The following RASAL2 variants were observed in gnomAD, a reference collection of about 807,000 sequenced individuals.
The protein encoded by RASAL2 is RAS protein activator like 2.
In RASAL2, 58 loss-of-function variants were observed where a neutral mutation model predicts 128.9. That is an observed-to-expected ratio of 0.45 (90% confidence interval 0.36 to 0.56). The LOEUF (loss-of-function observed/expected upper bound fraction) is 0.56, where lower values mean the gene tolerates loss of function less well. Ranked by LOEUF, RASAL2 falls within the 20% of genes least tolerant of loss-of-function variation. RASAL2 has a pLI of 0.00. For synonymous variants in RASAL2, 561 were observed against 580.8 expected, an observed-to-expected ratio of 0.97 and a Z score of 0.49; for missense variants, 1,360 against 1,601.6, an observed-to-expected ratio of 0.85 and a Z score of 2.57.
intron 1 of RASAL2, among the ~76,000 whole-genome samples, chr1:178,204,771 T>G (rs1164516604): frequency 6.6e-6 from 1 of 152,198 alleles, no homozygotes; most frequent in Non-Finnish European, 1.5e-5. Flanking sequence ...ATGTACAAAA[T>G]GCTTATAAAG....
Position 178,474,281 on chromosome 1 carries a change from T to C in RASAL2, c.*1042T>C, listed in dbSNP as rs1277757162. The C allele has an allele frequency of 6.6e-6, 1 of 152,650 alleles. No homozygotes were observed. The allele number at this position is 152,650 out of a possible 1,614,324, so 9.5% of individuals were successfully genotyped here. A position where few individuals can be genotyped will look rare whatever the true frequency, so the allele number is the denominator to read the frequency against. On this transcript the variant is annotated 3_prime_UTR_variant, in exon 18 of 18. Transcript: ENST00000367649. ...CTGAATATTTCCTATTAAAAATTTT[T>C]TCTATGTGTTGTTATAATTTTTGTT...
At chr1:178,383,963 A>C (rs1262695228) in intron 3 of RASAL2, among the ~76,000 whole-genome samples, 1 of 152,208 alleles carries the variant, frequency 6.6e-6, no homozygotes, top group African/African-American at 2.4e-5. Context: ...GTTTGTATTC[A>C]ATGTTTTATC....
intron 8 of RASAL2, among the ~76,000 whole-genome samples, chr1:178,445,070 C>A (rs531360277): frequency 2.1e-4 from 31 of 151,190 alleles, no homozygotes; most frequent in African/African-American, 6.6e-4. Context: ...CCAAAGGATC[C>A]CAGGAATGAG....
intron 1 of RASAL2, among the ~76,000 whole-genome samples, chr1:178,126,716 C>T (rs1321699945): frequency 6.6e-6 from 1 of 152,156 alleles, no homozygotes; most frequent in Admixed American, 6.6e-5. Context: ...GGAAGTTGTT[C>T]TTCATATTCC....
intron 1 of RASAL2, among the ~76,000 whole-genome samples, chr1:178,281,263 C>G (rs1470683164): frequency 2.0e-5 from 3 of 151,692 alleles, no homozygotes; most frequent in Non-Finnish European, 4.4e-5. Flanking sequence ...AGAAGCATTG[C>G]TCTCTATTTC....
intron 1 of RASAL2, among the ~76,000 whole-genome samples, chr1:178,133,842 A>T (rs143558474): frequency 6.6e-6 from 1 of 152,146 alleles, no homozygotes; most frequent in African/African-American, 2.4e-5. Flanking sequence ...TCAGCTAATT[A>T]TGTTCTTTAT....
intron 1 of RASAL2, among the ~76,000 whole-genome samples, chr1:178,202,573 T>C (rs1316757872): frequency 6.6e-6 from 1 of 152,162 alleles, no homozygotes; most frequent in African/African-American, 2.4e-5. Flanking sequence ...CCAGATGTGT[T>C]ATTATATACT....
rs777041513 is a variant in RASAL2, at chr1:178,458,141, C to T, written c.2849C>T (p.Thr950Ile). The T allele has an allele frequency of 6.2e-7, 1 of 1,614,248 alleles. No homozygotes were observed. ...GATTCCAGTTTGGAGAACCTAAGCA[C>T]TGCCAGTTCCAGAAGCCAAAGTAAC... is the stretch of plus-strand genomic sequence containing the variant. Reference protein sequence around the residue: ...SIDSSLENLSTASSRSQSNSE... With the variant: ...SIDSSLENLSIASSRSQSNSE... Residue 950 changes from threonine (T) to isoleucine (I), a missense_variant, in exon 14 of 18, where the codon ACT (threonine) becomes ATT (isoleucine). Around this residue, in one of 3 missense-constraint regions of RASAL2, gnomAD observed 741 missense variants for 868.6 expected, o/e 0.85. Coordinates refer to ENST00000367649, the MANE Select transcript of RASAL2 (RefSeq NM_170692.4).
chr1:178,364,302 A>C (rs1671285127), intron 3 of RASAL2, among the ~76,000 whole-genome samples: 1 of 152,200 alleles, frequency 6.6e-6, no homozygotes, highest in Admixed American at 6.5e-5. Flanking sequence ...AAGAAATTCC[A>C]ATATGGAATG....
chr1:178,300,108 C>G lies in RASAL2; in HGVS notation c.447C>G (p.Ala149=), dbSNP rs763191586. ...GQFPEYPPEG[A]TKLEVPAERS... ...TTCCCGAGTACCCACCAGAGGGCGCCACTAAACTGGGTAAGCTACTATGAA... is the reference window on the plus strand; with the variant it reads ...TTCCCGAGTACCCACCAGAGGGCGCGACTAAACTGGGTAAGCTACTATGAA... Residue 149 remains alanine, a synonymous_variant, in exon 3 of 18, where the codon GCC becomes GCG. Transcript: ENST00000367649. 2 of 1,612,480 alleles carry G rather than the reference C, an allele frequency of 1.2e-6. No individual in the cohort carries two copies. The highest frequency in any genetic ancestry group is 1.1e-5 in the South Asian group (1 of 90,788).
At chr1:178,259,778 G>A (rs984676629) in intron 1 of RASAL2, among the ~76,000 whole-genome samples, 1 of 152,014 alleles carries the variant, frequency 6.6e-6, no homozygotes, top group African/African-American at 2.4e-5. Context: ...TGTCCATGCT[G>A]GTCTTGAAAT....
intron 3 of RASAL2, among the ~76,000 whole-genome samples, chr1:178,343,816 G>T (rs149658653): frequency 0.04 from 6,101 of 151,766 alleles, 172 homozygotes; most frequent in Admixed American, 0.073. Flanking sequence ...CAATAAAAAG[G>T]TGCCCACTTT....
chr1:178,434,281 T>G (rs1052162315), intron 5 of RASAL2, among the ~76,000 whole-genome samples: 7 of 152,128 alleles, frequency 4.6e-5, no homozygotes, highest in Non-Finnish European at 7.4e-5. Flanking sequence ...TGGAGGCAAG[T>G]TGGATTTTCT....
intron 5 of RASAL2, among the ~76,000 whole-genome samples, chr1:178,421,337 G>A (rs1675129233): frequency 6.6e-6 from 1 of 152,088 alleles, no homozygotes; most frequent in African/African-American, 2.4e-5. Flanking sequence ...CATTGAATGT[G>A]TGCTAACACA....
intron 1 of RASAL2, among the ~76,000 whole-genome samples, chr1:178,131,174 G>C (rs1384788750): frequency 2.6e-5 from 4 of 151,726 alleles, no homozygotes; most frequent in African/African-American, 9.7e-5. Flanking sequence ...TAAGTGCCAA[G>C]ACCCTTTTAA....
chr1:178,444,704 T>C (rs575955345), intron 8 of RASAL2, among the ~76,000 whole-genome samples: 1 of 152,102 alleles, frequency 6.6e-6, no homozygotes, highest in Non-Finnish European at 1.5e-5. Context: ...GACGGATGGA[T>C]GGGTGGGCGG....
chr1:178,296,668 ATTTTTTT>A (rs1160539560), intron 2 of RASAL2, among the ~76,000 whole-genome samples: 20 of 113,750 alleles, frequency 1.8e-4, no homozygotes, highest in African/African-American at 4.6e-4. Flanking sequence ...CCTGGCCTTG[ATTTTTTT>A]TTTTTTTTTT....
intron 3 of RASAL2, among the ~76,000 whole-genome samples, chr1:178,346,604 A>G (rs1670167852): frequency 6.6e-6 from 1 of 152,130 alleles, no homozygotes; most frequent in African/African-American, 2.4e-5. Flanking sequence ...TGCTTTTAGT[A>G]TGTTAAGTTT....
At chr1:178,202,046 GAC>G (rs754131352) in intron 1 of RASAL2, among the ~76,000 whole-genome samples, 5 of 152,184 alleles carry the variant, frequency 3.3e-5, no homozygotes, top group Non-Finnish European at 7.3e-5. Flanking sequence ...GAAATGATCA[GAC>G]ATTTCCGGGA....
Sources: allele counts gnomAD v4.1 joint callset (sites outside exome capture counted in the v4.1 genomes callset), GRCh38; gene constraint gnomAD v4.1.1; regional missense constraint gnomAD v4.1.1; transcripts MANE v1.5; gene names NCBI Gene and HGNC (gene_info 2026-07-23, HGNC 2026-07-21).